The following PDE4D variants were observed in gnomAD, a reference collection of about 807,000 sequenced individuals.
The protein encoded by PDE4D is phosphodiesterase 4D.
PDE4D carries 24 observed loss-of-function variants against 87.4 expected under a neutral mutation model. The ratio of observed to expected loss-of-function variants is 0.27; its 90% CI spans 0.20 to 0.39. The LOEUF is 0.39. Ranked by LOEUF, PDE4D falls within the 10% of genes least tolerant of loss-of-function variation. The pLI, the probability that PDE4D is intolerant of heterozygous loss-of-function variation, is 1.00. For missense variants in PDE4D, 714 were observed against 1,041.0 expected, an observed-to-expected ratio of 0.69 and a Z score of 4.32; for synonymous variants, 384 against 383.2, an observed-to-expected ratio of 1.00 and a Z score of -0.02.
chr5:60,316,637 C>G (rs1211846184), intron 1 of PDE4D, among the ~76,000 whole-genome samples: 6 of 152,196 alleles, frequency 3.9e-5, no homozygotes, highest in Middle Eastern at 3.4e-3. Flanking sequence ...TCATAGATAG[C>G]TCTTATTATT....
intron 2 of PDE4D, among the ~76,000 whole-genome samples, chr5:60,042,600 A>C: frequency 6.6e-6 from 1 of 152,190 alleles, no homozygotes; most frequent in East Asian, 1.9e-4. Context: ...AGAGGAAAGA[A>C]CAGGCAGCAA....
chr5:59,788,383 CAT>C (rs1465517419), intron 1 of PDE4D, among the ~76,000 whole-genome samples: 1 of 152,192 alleles, frequency 6.6e-6, no homozygotes, highest in Non-Finnish European at 1.5e-5. Flanking sequence ...AGGAAGGAGG[CAT>C]TCTAAATGGA....
intron 1 of PDE4D, among the ~76,000 whole-genome samples, chr5:60,433,340 T>G (rs2150119655): frequency 6.6e-6 from 1 of 152,258 alleles, no homozygotes; most frequent in East Asian, 1.9e-4. Flanking sequence ...TCACTAATCA[T>G]TAGGGAAATG....
At chr5:60,082,986 A>G (rs1221703917) in intron 2 of PDE4D, among the ~76,000 whole-genome samples, 1 of 152,084 alleles carries the variant, frequency 6.6e-6, no homozygotes, top group African/African-American at 2.4e-5. Context: ...CCTCCATCTG[A>G]GGTAGCCCCC....
intron 2 of PDE4D, among the ~76,000 whole-genome samples, chr5:60,164,061 C>G (rs80134520): frequency 0.019 from 2,962 of 152,276 alleles, 92 homozygotes; most frequent in African/African-American, 0.068. Flanking sequence ...CACTTAGCCT[C>G]TTAATAGCTA....
At chr5:59,082,167 T>C (rs556316765) in intron 5 of PDE4D, among the ~76,000 whole-genome samples, 3 of 152,288 alleles carry the variant, frequency 2.0e-5, no homozygotes, top group African/African-American at 7.2e-5. Context: ...AATACAGTAG[T>C]ATATCACACT....
rs181375496 is a variant in PDE4D, at chr5:60,370,330, C to T, written c.-90+117612G>A. ...TCAATCAGAAGGTCTCTTTGGTATG[C>T]GCTATATAATGGACTATTTATAATT... On this transcript the variant is annotated intron_variant, in intron 1 of 16. Transcript: ENST00000502484. Among the ~76,000 whole-genome samples the T allele has an allele frequency of 2.7e-4, 41 of 152,234 alleles. No individual in the cohort carries two copies. The East Asian group carries it at 6.2e-3, about 23-fold the overall frequency.
chr5:60,211,073 C>G (rs899361257), intron 1 of PDE4D, among the ~76,000 whole-genome samples: 1 of 152,212 alleles, frequency 6.6e-6, no homozygotes, highest in Non-Finnish European at 1.5e-5. Flanking sequence ...TTCTCTCCAC[C>G]TGGGCGCTGG....
intron 5 of PDE4D, chr5:59,039,685 C>A: frequency 4.6e-6 from 1 of 219,390 alleles, no homozygotes; most frequent in Non-Finnish European, 7.7e-6. Flanking sequence ...CCTGTCCGTG[C>A]CACCCGCCGC....
At chr5:60,503,937 C>T (rs995704697) in intron 1 of PDE4D, among the ~76,000 whole-genome samples, 1 of 152,090 alleles carries the variant, frequency 6.6e-6, no homozygotes, top group African/African-American at 2.4e-5. Context: ...GTCAGAATGA[C>T]AAGTCACATG....
chr5:59,817,179 T>C (rs1043581605), intron 1 of PDE4D, among the ~76,000 whole-genome samples: 1 of 152,194 alleles, frequency 6.6e-6, no homozygotes, highest in African/African-American at 2.4e-5. Context: ...ATGTGCTCAG[T>C]AGCTAAAGGT....
rs773297652 is a variant in PDE4D at position 59,557,167 on chromosome 5, T to C, written c.455+336001A>G. ...GTTCCCCAAGAGTAAACATATGCCA[T>C]AAGGATTTTTGCTAAATCTAGTCTT... On this transcript the variant is annotated intron_variant, in intron 1 of 14. Transcript: ENST00000340635. Among the ~76,000 whole-genome samples, 20 of 152,300 alleles carry C rather than the reference T, an allele frequency of 1.3e-4. No homozygotes were observed. In the East Asian group the frequency reaches 2.3e-3, roughly 18 times the overall value.
At chr5:60,091,884 C>T (rs1377372912) in intron 2 of PDE4D, among the ~76,000 whole-genome samples, 1 of 151,410 alleles carries the variant, frequency 6.6e-6, no homozygotes, top group Admixed American at 6.6e-5. Flanking sequence ...AACCCCGTCT[C>T]TACTAAAAAT....
At chr5:60,344,924 T>C (rs1232024384) in intron 1 of PDE4D, among the ~76,000 whole-genome samples, 42 of 152,052 alleles carry the variant, frequency 2.8e-4, no homozygotes, top group Admixed American at 2.8e-3. Flanking sequence ...AAAGTGAAAA[T>C]ACGAAGAGTA....
chr5:60,320,322 C>A (rs1756121739), intron 1 of PDE4D, among the ~76,000 whole-genome samples: 1 of 152,232 alleles, frequency 6.6e-6, no homozygotes, highest in South Asian at 2.1e-4. Context: ...TTTGCTAAGA[C>A]TGTTGGAAAA....
chr5:59,825,604 GT>G (rs1011164650), intron 1 of PDE4D, among the ~76,000 whole-genome samples: 7 of 152,286 alleles, frequency 4.6e-5, no homozygotes, highest in African/African-American at 1.7e-4. Context: ...ACCTGGGTGG[GT>G]TCTGTCTCAT....
At chr5:60,143,606 TGTG>T (rs1780737132) in intron 2 of PDE4D, among the ~76,000 whole-genome samples, 3 of 28,886 alleles carry the variant, frequency 1.0e-4, no homozygotes, top group South Asian at 1.6e-3. Context: ...TTGGGAATTG[TGTG>T]TGTGTGTGTG....
chr5:59,615,477 C>T (rs983826254), intron 1 of PDE4D, among the ~76,000 whole-genome samples: 2 of 152,070 alleles, frequency 1.3e-5, no homozygotes, highest in African/African-American at 2.4e-5. Flanking sequence ...ATACTCATGA[C>T]TATGAAACAT....
chr5:60,166,433 CT>C (rs1454693324), intron 2 of PDE4D, among the ~76,000 whole-genome samples: 1 of 152,126 alleles, frequency 6.6e-6, no homozygotes, highest in African/African-American at 2.4e-5. Context: ...AAACTTTTAC[CT>C]CATTCTCCCA....
Sources: allele counts gnomAD v4.1 joint callset (sites outside exome capture counted in the v4.1 genomes callset), GRCh38; gene constraint gnomAD v4.1.1; transcripts MANE v1.5; gene names NCBI Gene and HGNC (gene_info 2026-07-23, HGNC 2026-07-21).